The following PRDM15 variants were observed in gnomAD, a reference collection of about 807,000 sequenced individuals.
PRDM15 encodes PR domain zinc finger protein 15.
Under a neutral mutation model 128.6 loss-of-function variants are expected in PRDM15, and 64 were observed. The ratio of observed to expected loss-of-function variants is 0.50; its 90% confidence interval spans 0.41 to 0.61. PRDM15 has a LOEUF of 0.61. Among genes scored for constraint, PRDM15 ranks in the 20% least tolerant of loss-of-function variants. The probability of loss-of-function intolerance (pLI) is 0.00; values close to 1 mark genes in which losing one functional copy is unlikely to be tolerated. For synonymous variants in PRDM15, 615 were observed against 621.8 expected, an observed-to-expected ratio of 0.99 and a Z score of 0.16; for missense variants, 1,242 against 1,569.1, an observed-to-expected ratio of 0.79 and a Z score of 3.52.
Position 41,861,570 on chromosome 21 carries a change from T to C in PRDM15, c.-9-1198A>G, listed in dbSNP as rs554703675. On this transcript the variant is annotated intron_variant, in intron 1 of 23. Transcript: ENST00000398548. ...ATCCCCAACTGTGCGCACCGGCATG[T>C]CCTTCCTGCAACCTGCTTCTCTGAT... The C allele has an allele frequency of 3.2e-6, 5 of 1,582,160 alleles. No homozygotes were observed. The African/African-American group carries it at 4.0e-5, about 13-fold the overall frequency.
rs1473280238 is a variant in PRDM15, at chr21:41,832,724, A to G, written c.1366+2713T>C. ...GTGAGCCCCCCTCCCAGGCAGGTGC[A>G]AATCAGCACCCATGAGCACCCCCTC... is the stretch of plus-strand genomic sequence containing the variant. On this transcript the variant is annotated intron_variant, in intron 11 of 23. Coordinates refer to ENST00000398548, the MANE Select transcript of PRDM15 (RefSeq NM_001040424.3). This position sits in a 1 kb window ranked among gnomAD's most constrained non-coding sequence, Gnocchi z 4.2. 6.6e-6 allele frequency among the ~76,000 whole-genome samples: 1 copy of G among 152,110 alleles called. No homozygotes were observed. The highest frequency in any genetic ancestry group is 2.4e-5 in the African/African-American group (1 of 41,406).
At chr21:41,825,364 C>G (rs2146441347) in intron 13 of PRDM15, among the ~76,000 whole-genome samples, 1 of 151,044 alleles carries the variant, frequency 6.6e-6, no homozygotes, top group African/African-American at 2.4e-5. Context: ...TGCCAAGCAG[C>G]CAGGTGTCTG....
chr21:41,861,225 G>T (rs965293614), intron 1 of PRDM15, among the ~76,000 whole-genome samples: 1 of 152,170 alleles, frequency 6.6e-6, no homozygotes, highest in Non-Finnish European at 1.5e-5. Context: ...CTTCTCTGGG[G>T]ACTAAATCAA....
intron 1 of PRDM15, among the ~76,000 whole-genome samples, chr21:41,870,029 C>G (rs1321307955): frequency 2.0e-5 from 3 of 152,184 alleles, no homozygotes; most frequent in Non-Finnish European, 4.4e-5. Flanking sequence ...AATCAAGTCT[C>G]AGAGCTGGGC....
rs1266510932 is a variant in PRDM15 at position 41,832,480 on chromosome 21, C to CACACCTTT, written c.1366+2949_1366+2956dup. Among the ~76,000 whole-genome samples the CACACCTTT allele has an allele frequency of 7.9e-5, 12 of 152,096 alleles. No individual in the cohort carries two copies. The highest frequency in any genetic ancestry group is 6.5e-5 in the Admixed American group (1 of 15,274). On this transcript the variant is annotated intron_variant, in intron 11 of 23. Transcript: ENST00000398548. The surrounding 1 kb of genome is among the most constrained non-coding windows in gnomAD (Gnocchi z 4.2). The stretch of plus-strand genomic sequence containing the variant: ...ACTGTGGCATCAGATCACCACAGGC[C>CACACCTTT]ACACCTTTACAGTGCTGTGGCAACG...
intron 11 of PRDM15, among the ~76,000 whole-genome samples, chr21:41,835,198 C>A (rs1346668430): frequency 1.3e-5 from 2 of 152,182 alleles, no homozygotes; most frequent in African/African-American, 4.8e-5. Context: ...TGGGGCCATA[C>A]GCAGCTCGGC....
intron 18 of PRDM15, among the ~76,000 whole-genome samples, chr21:41,817,620 T>C (rs1458933755): frequency 1.3e-5 from 2 of 152,214 alleles, no homozygotes; most frequent in African/African-American, 4.8e-5. Context: ...GGTCTGGTTA[T>C]ATGAATCGTA....
In PRDM15 at chr21:41,820,770, T is replaced by C. The variant is rs182700361; in HGVS notation, c.2060+297A>G. ...GTGGCCTGGCATTAATGAAATCTAA[T>C]TGTTGCAGGAAAAAGCATTTTGGGT... is the stretch of plus-strand genomic sequence containing the variant. On this transcript the variant is annotated intron_variant, in intron 16 of 23. Coordinates refer to ENST00000398548, the MANE Select transcript of PRDM15 (RefSeq NM_001040424.3). Among the ~76,000 whole-genome samples, 339 of 152,364 alleles carry C rather than the reference T, an allele frequency of 2.2e-3. 1 individual carries two copies. The highest frequency in any genetic ancestry group is 6.8e-3 in the Middle Eastern group (2 of 294).
intron 1 of PRDM15, chr21:41,877,298 C>T (rs1347758929): frequency 6.6e-6 from 1 of 152,526 alleles, no homozygotes; most frequent in African/African-American, 2.4e-5. Context: ...TTTCTGTCTA[C>T]ACCACCTCCA....
intron 1 of PRDM15, among the ~76,000 whole-genome samples, chr21:41,869,343 C>T (rs1385262345): frequency 3.9e-5 from 6 of 151,978 alleles, no homozygotes; most frequent in Non-Finnish European, 7.4e-5. Context: ...TGCAGTGGCG[C>T]GATCTCGGCT....
chr21:41,859,645 G>A lies in PRDM15; in HGVS notation c.78C>T (p.Pro26=), dbSNP rs770172957. Residue 26 remains proline, a synonymous_variant, in exon 3 of 24, where the codon CCC becomes CCT. Coordinates refer to ENST00000398548, the MANE Select transcript of PRDM15 (RefSeq NM_001040424.3). This position sits in a 1 kb window ranked among gnomAD's most constrained non-coding sequence, Gnocchi z 5.3. The part of the protein sequence containing the change: ...DCSQYHDSEC[P]ELGPVVMVKD... Reference sequence around the variant, plus strand: ...TGACCATGACCACTGGGCCCAGCTCGGGACATTCGGAGTCGTGGTACTGGC... The same window carrying A: ...TGACCATGACCACTGGGCCCAGCTCAGGACATTCGGAGTCGTGGTACTGGC... 13 of 1,613,832 alleles carry A rather than the reference G, an allele frequency of 8.1e-6. No homozygotes were observed. The African/African-American group carries it at 1.1e-4, about 13-fold the overall frequency.
In PRDM15 at chr21:41,862,244, G is replaced by A. The variant is rs563882555; in HGVS notation, c.-9-1872C>T. On this transcript the variant is annotated intron_variant, in intron 1 of 23. Coordinates refer to ENST00000398548, the MANE Select transcript of PRDM15 (RefSeq NM_001040424.3). This position sits in a 1 kb window ranked among gnomAD's most constrained non-coding sequence, Gnocchi z 4.1. ...GCGATGGGAACGATAGGCCTTAAGA[G>A]GCGCCCCACACTGCGGTCAGATCAC... 6.6e-6 allele frequency among the ~76,000 whole-genome samples: 1 copy of A among 152,290 alleles called. No individual in the cohort carries two copies. Among genetic ancestry groups the A allele is most frequent in the East Asian group, 1.9e-4 (1 of 5,170 alleles).
rs1266162924 is a variant in PRDM15 at position 41,823,562 on chromosome 21, G to A, written c.1630-113C>T. The A allele has an allele frequency of 1.5e-5, 17 of 1,139,936 alleles. No individual in the cohort carries two copies. In the Middle Eastern group the frequency reaches 1.2e-3, roughly 80 times the overall value. 70.6% of individuals were successfully genotyped at this position (1,139,936 alleles called of 1,614,324 possible). On this transcript the variant is annotated intron_variant, in intron 13 of 23. Coordinates refer to ENST00000398548, the MANE Select transcript of PRDM15 (RefSeq NM_001040424.3). ...ACCCGGGACGGAAACACAGCACTGT[G>A]CTCCAGGCCTTGCATCTCCAGTTCC...
chr21:41,818,938 C>T (rs1439124420), intron 18 of PRDM15, among the ~76,000 whole-genome samples: 1 of 152,176 alleles, frequency 6.6e-6, no homozygotes, highest in African/African-American at 2.4e-5. Flanking sequence ...GTTTCTCTCT[C>T]ACCACGCAGC....
At chr21:41,853,858 G>T (rs1051895232) in intron 5 of PRDM15, among the ~76,000 whole-genome samples, 3 of 152,154 alleles carry the variant, frequency 2.0e-5, no homozygotes, top group Admixed American at 2.0e-4. Context: ...CACTGGAGCC[G>T]GGTGCCATGG....
At chr21:41,878,762 G>A in intron 1 of PRDM15, 1 of 1,492,608 alleles carries the variant, frequency 6.7e-7, no homozygotes, top group South Asian at 1.3e-5. Flanking sequence ...CGCATGGGCT[G>A]TACCCGAGGG....
chr21:41,818,006 G>A (rs2062110590), intron 18 of PRDM15, among the ~76,000 whole-genome samples: 1 of 152,232 alleles, frequency 6.6e-6, no homozygotes, highest in Non-Finnish European at 1.5e-5. Context: ...TTGGGGACCT[G>A]CAGGGGACCC....
intron 5 of PRDM15, among the ~76,000 whole-genome samples, chr21:41,852,889 G>A (rs1568987637): frequency 6.6e-6 from 1 of 152,228 alleles, no homozygotes; most frequent in Non-Finnish European, 1.5e-5. Flanking sequence ...TGCTGGATTG[G>A]GGAGGCCTGA....
intron 1 of PRDM15, among the ~76,000 whole-genome samples, chr21:41,861,128 C>A (rs1447615836): frequency 6.6e-6 from 1 of 152,200 alleles, no homozygotes; most frequent in Non-Finnish European, 1.5e-5. Context: ...AGCCATCGTG[C>A]CCACCTATAT....
Sources: gnomAD v4.1 joint callset for allele counts (sites outside exome capture counted in the v4.1 genomes callset) on GRCh38, gnomAD v4.1.1 for gene constraint, Gnocchi (gnomAD v3.1) non-coding constraint, MANE v1.5 for transcripts, NCBI Gene and HGNC (gene_info 2026-07-23, HGNC 2026-07-21) for gene names.